Variants in MAP2K5 observed in about 807,000 individuals in gnomAD.
The protein encoded by MAP2K5 is dual specificity mitogen-activated protein kinase kinase 5.
Under a neutral mutation model 83.1 loss-of-function variants are expected in MAP2K5, and 49 were observed. The observed-to-expected ratio is 0.59, with a 90% CI of 0.47 to 0.75. MAP2K5 has a LOEUF of 0.75. Among genes scored for constraint, MAP2K5 ranks in the 30% least tolerant of loss-of-function variants. The probability of loss-of-function intolerance (pLI) is 0.00; values close to 1 mark genes in which losing one functional copy is unlikely to be tolerated. For synonymous variants in MAP2K5, 202 were observed against 191.8 expected (o/e 1.05, Z -0.44); for missense variants, 457 against 557.5 (o/e 0.82, Z 1.82).
chr15:67,737,304 T>C (rs1448083969), intron 17 of MAP2K5, among the ~76,000 whole-genome samples: 1 of 152,210 alleles, frequency 6.6e-6, no homozygotes, highest in Non-Finnish European at 1.5e-5. Context: ...ACTTTTATTA[T>C]ACTCCAGTGT....
intron 21 of MAP2K5, among the ~76,000 whole-genome samples, chr15:67,797,114 G>A (rs1032292599): frequency 1.3e-4 from 20 of 152,296 alleles, no homozygotes; most frequent in South Asian, 2.1e-4. Flanking sequence ...AGTCCTTACC[G>A]CAGCCCCTTT....
intron 8 of MAP2K5, among the ~76,000 whole-genome samples, chr15:67,614,475 G>A (rs186025258): frequency 4.6e-5 from 7 of 152,128 alleles, no homozygotes; most frequent in Non-Finnish European, 7.4e-5. Flanking sequence ...CAATCCTCAG[G>A]GTATTTCTAT....
At chr15:67,566,016 C>T (rs1596566075) in intron 3 of MAP2K5, among the ~76,000 whole-genome samples, 2 of 152,298 alleles carry the variant, frequency 1.3e-5, no homozygotes, top group African/African-American at 4.8e-5. Context: ...CTCATGATTA[C>T]CAGCATGTTC....
At position 67,777,803 on chromosome 15, in the gene MAP2K5, A is replaced by G. The variant is rs1326670703; in HGVS notation, c.1242+5051A>G. 6.6e-6 allele frequency among the ~76,000 whole-genome samples: 1 copy of G among 152,204 alleles called. No homozygotes were observed. Among genetic ancestry groups the G allele is most frequent in the Non-Finnish European group, 1.5e-5 (1 of 68,044 alleles). Reference sequence around the variant, plus strand: ...CCTGTTATTTTGTGCATCTCCTTGTACATTCCAGAGTAGGACATCCTTTAA... The same window carrying G: ...CCTGTTATTTTGTGCATCTCCTTGTGCATTCCAGAGTAGGACATCCTTTAA... On this transcript the variant is annotated intron_variant, in intron 21 of 21. Coordinates refer to ENST00000178640, the MANE Select transcript of MAP2K5 (RefSeq NM_145160.3). This position sits in a 1 kb window ranked among gnomAD's most constrained non-coding sequence, Gnocchi z 6.0.
In MAP2K5 at chr15:67,774,880, G is replaced by C. The variant is rs1305336724; in HGVS notation, c.1242+2128G>C. Among the ~76,000 whole-genome samples the C allele has an allele frequency of 4.6e-5, 7 of 152,208 alleles. No homozygotes were observed. The highest frequency in any genetic ancestry group is 1.4e-4 in the African/African-American group (6 of 41,456). ...AATGTGAGGCCTGCAGGATTGTCAA[G>C]GTTTCCCTGTAGGCCTCCATTTCCA... On this transcript the variant is annotated intron_variant, in intron 21 of 21. Transcript: ENST00000178640. This position sits in a 1 kb window ranked among gnomAD's most constrained non-coding sequence, Gnocchi z 4.9.
intron 15 of MAP2K5, among the ~76,000 whole-genome samples, chr15:67,695,305 TA>T (rs1365638627): frequency 1.3e-5 from 2 of 152,178 alleles, no homozygotes; most frequent in Non-Finnish European, 2.9e-5. Context: ...AACCTTATTC[TA>T]AACCTAATTC....
Position 67,719,076 on chromosome 15 carries a change from G to A in MAP2K5, c.1045-8840G>A, listed in dbSNP as rs920900851. ...TGCCAACTACCCTTCCCAGCCTCTG[G>A]TAACCATCATTCTACTGTCTATCTC... On this transcript the variant is annotated intron_variant, in intron 16 of 21. Transcript: ENST00000178640. The surrounding 1 kb of genome is among the most constrained non-coding windows in gnomAD (Gnocchi z 4.6). Among the ~76,000 whole-genome samples the A allele has an allele frequency of 6.6e-6, 1 of 151,984 alleles. No homozygotes were observed. The highest frequency in any genetic ancestry group is 1.5e-5 in the Non-Finnish European group (1 of 67,986).
In MAP2K5 at chr15:67,573,482, G is replaced by A. The variant is rs1006040106; in HGVS notation, c.253-7272G>A. Among the ~76,000 whole-genome samples, 3 of 151,936 alleles carry A rather than the reference G, an allele frequency of 2.0e-5. No individual in the cohort carries two copies. Among genetic ancestry groups the A allele is most frequent in the Admixed American group, 2.0e-4 (3 of 15,254 alleles). On this transcript the variant is annotated intron_variant, in intron 3 of 21. Transcript: ENST00000178640. The surrounding 1 kb of genome is among the most constrained non-coding windows in gnomAD (Gnocchi z 4.2). Reference sequence around the variant, plus strand: ...CTCACTATCATGAGAACAGCAAGGGGGAAATCCACCCCCATGATCCAGTCA... The same window carrying A: ...CTCACTATCATGAGAACAGCAAGGGAGAAATCCACCCCCATGATCCAGTCA...
chr15:67,739,057 C>T (rs2089408995), intron 17 of MAP2K5, among the ~76,000 whole-genome samples: 1 of 152,038 alleles, frequency 6.6e-6, no homozygotes, highest in Non-Finnish European at 1.5e-5. Context: ...AGGCAGGAGA[C>T]TCACGTGAGC....
At chr15:67,672,469 G>C (rs1164056888) in intron 13 of MAP2K5, among the ~76,000 whole-genome samples, 61 of 151,418 alleles carry the variant, frequency 4.0e-4, no homozygotes, top group Non-Finnish European at 2.1e-4. Context: ...CTTTTGAGAA[G>C]TGTCTGTTCA....
chr15:67,655,889 A>G (rs1483992815), intron 11 of MAP2K5, among the ~76,000 whole-genome samples: 1 of 152,130 alleles, frequency 6.6e-6, no homozygotes, highest in African/African-American at 2.4e-5. Context: ...GTCTCCGAGA[A>G]TGTGTTCATT....
intron 17 of MAP2K5, among the ~76,000 whole-genome samples, chr15:67,742,183 G>T (rs1005974691): frequency 6.6e-6 from 1 of 152,156 alleles, no homozygotes; most frequent in African/African-American, 2.4e-5. Context: ...GAGCCACTGC[G>T]CCCGGCCAAG....
intron 13 of MAP2K5, among the ~76,000 whole-genome samples, chr15:67,675,471 G>A (rs1193469912): frequency 6.6e-6 from 1 of 152,154 alleles, no homozygotes; most frequent in Non-Finnish European, 1.5e-5. Context: ...GTTTACAATG[G>A]AGCAAGATGA....
chr15:67,600,499 C>T (rs922642810), intron 7 of MAP2K5, among the ~76,000 whole-genome samples, 186 bp from the exon 8 acceptor site: 5 of 152,154 alleles, frequency 3.3e-5, no homozygotes. Flanking sequence ...TTAAACTTTC[C>T]ATCACTTCGT....
At chr15:67,580,661 A>G (rs2085160370) in intron 3 of MAP2K5, 93 bp from the exon 4 acceptor site, 2 of 810,056 alleles carry the variant, frequency 2.5e-6, no homozygotes, top group Admixed American at 1.8e-5. Flanking sequence ...TATACCAGCA[A>G]TTTACAAAAG....
At chr15:67,725,149 C>T (rs1459407278) in intron 16 of MAP2K5, among the ~76,000 whole-genome samples, 2 of 152,216 alleles carry the variant, frequency 1.3e-5, no homozygotes, top group African/African-American at 2.4e-5. Context: ...TACAGAGAGG[C>T]TCCCAGCTGA....
rs948090677 is a variant in MAP2K5 at position 67,783,028 on chromosome 15, C to T, written c.1242+10276C>T. On this transcript the variant is annotated intron_variant, in intron 21 of 21. Transcript: ENST00000178640. This position sits in a 1 kb window ranked among gnomAD's most constrained non-coding sequence, Gnocchi z 5.1. ...ACTGGCTGAATTATAACCCACTGCA[C>T]GTCTGGTGCAGATTTGTATTGCAGA... Among the ~76,000 whole-genome samples the T allele has an allele frequency of 6.6e-6, 1 of 152,238 alleles. No individual in the cohort carries two copies. Among genetic ancestry groups the T allele is most frequent in the Non-Finnish European group, 1.5e-5 (1 of 68,052 alleles).
At chr15:67,787,387 C>A (rs2090438845) in intron 21 of MAP2K5, among the ~76,000 whole-genome samples, 1 of 152,240 alleles carries the variant, frequency 6.6e-6, no homozygotes, top group Non-Finnish European at 1.5e-5. Context: ...GTATGCTAAT[C>A]TAGCTAGCCG....
chr15:67,705,353 G>A (rs2088524182), intron 16 of MAP2K5, among the ~76,000 whole-genome samples: 1 of 152,162 alleles, frequency 6.6e-6, no homozygotes, highest in Non-Finnish European at 1.5e-5. Context: ...CATTTGGCAA[G>A]GGCTGGGGCA....
Sources: gnomAD v4.1 joint callset for allele counts (sites outside exome capture counted in the v4.1 genomes callset) on GRCh38, gnomAD v4.1.1 for gene constraint, Gnocchi (gnomAD v3.1) non-coding constraint, MANE v1.5 for transcripts, NCBI Gene and HGNC (gene_info 2026-07-23, HGNC 2026-07-21) for gene names.